Variants in RPS15 observed in about 807,000 individuals in gnomAD.
RPS15 encodes the protein ribosomal protein S15, also known as small ribosomal subunit protein uS19.
A neutral mutation model predicts 14.9 loss-of-function variants in RPS15; 5 were observed. The observed-to-expected ratio is 0.34, with a 90% confidence interval of 0.18 to 0.70. The LOEUF is 0.70. Among genes scored for constraint, RPS15 ranks in the 30% least tolerant of loss-of-function variants. The probability of loss-of-function intolerance (pLI) is 0.65; values close to 1 mark genes in which losing one functional copy is unlikely to be tolerated. For synonymous variants in RPS15, 103 were observed against 85.0 expected, an observed-to-expected ratio of 1.21 and a Z score of -1.16; for missense variants, 102 against 204.2, an observed-to-expected ratio of 0.50 and a Z score of 3.05.
In RPS15 at chr19:1,438,848, C is replaced by T. The variant is rs1463149100; in HGVS notation, c.45C>T (p.Phe15=). 5 of 1,596,168 alleles carry T rather than the reference C, an allele frequency of 3.1e-6. No homozygotes were observed. Among genetic ancestry groups the T allele is most frequent in the Non-Finnish European group, 4.3e-6 (5 of 1,172,206 alleles). ...EQKKKRTFRK[F]TYRGVDLDQL... The stretch of plus-strand genomic sequence containing the variant: ...AGAAGAAGCGGACCTTCCGCAAGTT[C>T]ACCTACCGCGGCGTGGACCTCGACC... The change falls in exon 2 of 4, where the codon TTC becomes TTT. Residue 15 remains phenylalanine (F), a synonymous_variant. Transcript: ENST00000592588. The surrounding 1 kb of genome is among the most constrained non-coding windows in gnomAD (Gnocchi z 4.8).
chr19:1,439,045 GA>G, intron 2 of RPS15, 153 bp downstream of exon 2: 1 of 640,244 alleles, frequency 1.6e-6, no homozygotes. Flanking sequence ...CTTGCGCCCA[GA>G]AAACTGTCCA....
chr19:1,439,942 A>G, intron 2 of RPS15, 77 bp from the exon 3 acceptor site: 1 of 1,181,686 alleles, frequency 8.5e-7, no homozygotes, highest in Non-Finnish European at 1.2e-6. Context: ...ACCAAGCCTT[A>G]GTTCTCTGTC....
rs779270514 is a variant in RPS15 at position 1,440,438 on chromosome 19, C to G, written c.414C>G (p.Ser138=). 5.6e-6 allele frequency: 9 copies of G among 1,613,632 alleles called. No individual in the cohort carries two copies. Among genetic ancestry groups the G allele is most frequent in the Non-Finnish European group, 6.8e-6 (8 of 1,179,648 alleles). ...GGCCCGGCATCGGGGCCACCCACTCCTCCCGCTTCATCCCTCTCAAGTAAT... is the reference window on the plus strand; with the variant it reads ...GGCCCGGCATCGGGGCCACCCACTCGTCCCGCTTCATCCCTCTCAAGTAAT... The part of the protein sequence containing the change: ...HGRPGIGATH[S]SRFIPLK Residue 138 remains serine, a synonymous_variant, in exon 4 of 4, where the codon TCC becomes TCG. Transcript: ENST00000592588.
Position 1,440,451 on chromosome 19 carries a change from C to T in RPS15, c.427C>T (p.Pro143Ser). The change falls in exon 4 of 4, where the codon CCT becomes TCT. Residue 143 changes from proline (P) to serine (S), a missense_variant. By Grantham distance (74) the Pro-to-Ser change is moderately conservative. Transcript: ENST00000592588. Reference sequence around the variant, plus strand: ...GGCCACCCACTCCTCCCGCTTCATCCCTCTCAAGTAATGGCTCAGCTAATA... The same window carrying T: ...GGCCACCCACTCCTCCCGCTTCATCTCTCTCAAGTAATGGCTCAGCTAATA... Reference protein sequence around the residue: ...IGATHSSRFIPLK With the variant: ...IGATHSSRFISLK 6.2e-7 allele frequency: 1 copy of T among 1,612,260 alleles called. No individual in the cohort carries two copies. The highest frequency in any genetic ancestry group is 8.5e-7 in the Non-Finnish European group (1 of 1,178,320).
Position 1,440,344 on chromosome 19 carries a change from C to T in RPS15, c.325-5C>T, listed in dbSNP as rs778055553. ...ACACCCAGCTTTGCTCTTGGTCTCC[C>T]GCAGCCCGAGATGATCGGCCACTAC... On this transcript the variant is annotated splice_region_variant and splice_polypyrimidine_tract_variant and intron_variant, in intron 3 of 3. Transcript: ENST00000592588. The T allele has an allele frequency of 5.6e-6, 9 of 1,613,650 alleles. No individual in the cohort carries two copies. The South Asian group carries it at 8.8e-5, about 16-fold the overall frequency.
rs369933692 is a variant in RPS15, at chr19:1,438,447, C to A, written c.3+19C>A. 5.0e-6 allele frequency: 8 copies of A among 1,613,228 alleles called. No individual in the cohort carries two copies. In the African/African-American group the frequency reaches 9.3e-5, roughly 19 times the overall value. The stretch of plus-strand genomic sequence containing the variant: ...CAAGATGGTGAGTGTTGCGATTTGG[C>A]GCGTCTCTGCCGGGCCTATCCGGCT... On this transcript the variant is annotated intron_variant, in intron 1 of 3. Transcript: ENST00000592588. This position sits in a 1 kb window ranked among gnomAD's most constrained non-coding sequence, Gnocchi z 4.8.
At chr19:1,439,905 T>C (rs1019494888) in intron 2 of RPS15, 114 bp from the exon 3 acceptor site, 1 of 848,994 alleles carries the variant, frequency 1.2e-6, no homozygotes, top group Non-Finnish European at 1.9e-6. Flanking sequence ...CAGTGACAGG[T>C]CCACTGCGGC....
intron 2 of RPS15, 162 bp from the exon 3 acceptor site, chr19:1,439,857 G>T: frequency 1.5e-6 from 1 of 681,218 alleles, no homozygotes. Context: ...GGGGGTGCCA[G>T]AGGGACTTGG....
intron 2 of RPS15, chr19:1,439,718 G>C (rs1025587864): frequency 3.4e-6 from 2 of 587,530 alleles, no homozygotes; most frequent in Non-Finnish European, 6.1e-6. Flanking sequence ...GTTTTTAGAG[G>C]CCTTTGGCCC....
Position 1,438,536 on chromosome 19 carries a change from C to T in RPS15, c.3+108C>T, listed in dbSNP as rs746880057. ...GTCCCCGCGGCTACGGCGGCTTGCTCCCGACCCTGCAGGCGGCTGGATGTT... is the reference window on the plus strand; with the variant it reads ...GTCCCCGCGGCTACGGCGGCTTGCTTCCGACCCTGCAGGCGGCTGGATGTT... On this transcript the variant is annotated intron_variant, in intron 1 of 3. Transcript: ENST00000592588. This position sits in a 1 kb window ranked among gnomAD's most constrained non-coding sequence, Gnocchi z 4.8. 6 of 1,595,674 alleles carry T rather than the reference C, an allele frequency of 3.8e-6. No individual in the cohort carries two copies. In the African/African-American group the frequency reaches 5.4e-5, roughly 14 times the overall value.
In RPS15 at chr19:1,438,567, G is replaced by T; in HGVS notation, c.3+139G>T. 6.4e-7 allele frequency: 1 copy of T among 1,565,978 alleles called. No individual in the cohort carries two copies. On this transcript the variant is annotated intron_variant, in intron 1 of 3. Coordinates refer to ENST00000592588, the MANE Select transcript of RPS15 (RefSeq NM_001018.5). The surrounding 1 kb of genome is among the most constrained non-coding windows in gnomAD (Gnocchi z 4.8). ...CCTGCAGGCGGCTGGATGTTGGGGCGAGGGGCGGACTTGGTGGGTGTCGGG... is the reference window on the plus strand; with the variant it reads ...CCTGCAGGCGGCTGGATGTTGGGGCTAGGGGCGGACTTGGTGGGTGTCGGG...
chr19:1,439,851 G>A, intron 2 of RPS15, 168 bp from the exon 3 acceptor site: 1 of 666,622 alleles, frequency 1.5e-6, no homozygotes. Flanking sequence ...TCTGGCGGGG[G>A]TGCCAGAGGG....
At position 1,438,457 on chromosome 19, in the gene RPS15, C is replaced by T. The variant is rs377120801; in HGVS notation, c.3+29C>T. The stretch of plus-strand genomic sequence containing the variant: ...AGTGTTGCGATTTGGCGCGTCTCTG[C>T]CGGGCCTATCCGGCTCCATCCAACC... On this transcript the variant is annotated intron_variant, in intron 1 of 3. Transcript: ENST00000592588. The surrounding 1 kb of genome is among the most constrained non-coding windows in gnomAD (Gnocchi z 4.8). The T allele has an allele frequency of 1.6e-4, 256 of 1,613,130 alleles. No homozygotes were observed. Among genetic ancestry groups the T allele is most frequent in the Non-Finnish European group, 2.1e-4 (250 of 1,179,894 alleles).
At chr19:1,439,271 T>C (rs1254573117) in intron 2 of RPS15, 1 of 211,274 alleles carries the variant, frequency 4.7e-6, no homozygotes, top group Non-Finnish European at 9.4e-6. Flanking sequence ...TTTTAATTTT[T>C]GATTATTTTG....
intron 2 of RPS15, chr19:1,439,267 T>C (rs2083634160): frequency 9.4e-6 from 2 of 213,616 alleles, no homozygotes; most frequent in East Asian, 1.4e-4. Context: ...TATTTTTTAA[T>C]TTTTGATTAT....
In RPS15 at chr19:1,440,384, C is replaced by T. The variant is rs931050968; in HGVS notation, c.360C>T (p.Ser120=). The change falls in exon 4 of 4, where the codon TCC becomes TCT. Residue 120 remains serine, a synonymous_variant. Coordinates refer to ENST00000592588, the MANE Select transcript of RPS15 (RefSeq NM_001018.5). ...EMIGHYLGEF[S]ITYKPVKHGR... ...TCGGCCACTACCTGGGCGAGTTCTC[C>T]ATCACCTACAAGCCCGTAAAGCATG... The T allele has an allele frequency of 1.2e-6, 2 of 1,614,010 alleles. No homozygotes were observed. Among genetic ancestry groups the T allele is most frequent in the Middle Eastern group, 1.7e-4 (1 of 6,054 alleles).
In RPS15 at chr19:1,438,826, A is replaced by G. The variant is rs1278437094; in HGVS notation, c.23A>G (p.Lys8Arg). The G allele has an allele frequency of 3.8e-6, 6 of 1,596,484 alleles. No homozygotes were observed. The highest frequency in any genetic ancestry group is 1.7e-5 in the Admixed American group (1 of 58,842). Residue 8 changes from lysine (K) to arginine (R), a missense_variant, in exon 2 of 4, where the codon AAG (lysine) becomes AGG (arginine). Lys to Arg is a conservative substitution (Grantham distance 26). Around this residue, in one of 2 missense-constraint regions of RPS15, gnomAD observed 70 missense variants for 96.8 expected, o/e 0.72. Transcript: ENST00000592588. This position sits in a 1 kb window ranked among gnomAD's most constrained non-coding sequence, Gnocchi z 4.8. MAEVEQK[K>R]KRTFRKFTYR... ...GCACAGGCAGAAGTAGAGCAGAAGA[A>G]GAAGCGGACCTTCCGCAAGTTCACC...
rs775429612 is a variant in RPS15 at position 1,440,495 on chromosome 19, G to A, written c.*33G>A. On this transcript the variant is annotated 3_prime_UTR_variant, in exon 4 of 4. Transcript: ENST00000592588. ...GCTAATAAAGGCGCACATGACTCCA[G>A]TCCTTTGCGCAGCTTGTTCTTCCTG... 1 of 1,529,692 alleles carries A rather than the reference G, an allele frequency of 6.5e-7. No homozygotes were observed. Among genetic ancestry groups the A allele is most frequent in the East Asian group, 2.2e-5 (1 of 44,510 alleles). The allele number at this position is 1,529,692 out of a possible 1,614,324, so 94.8% of individuals were successfully genotyped here.
In RPS15 at chr19:1,438,710, C is replaced by T. The variant is rs1278875688; in HGVS notation, c.4-97C>T. The T allele has an allele frequency of 3.9e-6, 6 of 1,534,806 alleles. No individual in the cohort carries two copies. The Admixed American group carries it at 1.2e-4, about 30-fold the overall frequency. On this transcript the variant is annotated intron_variant, in intron 1 of 3. Transcript: ENST00000592588. This position sits in a 1 kb window ranked among gnomAD's most constrained non-coding sequence, Gnocchi z 4.8. The stretch of plus-strand genomic sequence containing the variant: ...GTGTGTCCCTGTCGGGCTTCTGTCC[C>T]CGGCGGCGCCGCGCGTCTTCCGCGG...
Sources: gnomAD v4.1 joint callset for allele counts on GRCh38, gnomAD v4.1.1 for gene constraint, gnomAD v4.1.1 regional missense constraint, Gnocchi (gnomAD v3.1) non-coding constraint, MANE v1.5 for transcripts, NCBI Gene and HGNC (gene_info 2026-07-23, HGNC 2026-07-21) for gene names.